The following TXNDC8 variants were observed in gnomAD, a reference collection of about 807,000 sequenced individuals.
TXNDC8 encodes thioredoxin domain containing 8, also known as thioredoxin domain-containing protein 8.
Under a neutral mutation model 12.9 loss-of-function variants are expected in TXNDC8, and 15 were observed. The observed-to-expected ratio is 1.16, with a 90% CI of 0.78 to 1.79. The LOEUF (loss-of-function observed/expected upper bound fraction) is 1.79. Ranked by LOEUF, TXNDC8 falls within the 40% of genes most tolerant of loss-of-function variation. The probability of loss-of-function intolerance (pLI) is 0.00; values close to 1 mark genes in which losing one functional copy is unlikely to be tolerated. For synonymous variants in TXNDC8, 40 were observed against 35.4 expected (o/e 1.13, Z -0.46); for missense variants, 128 against 113.2 (o/e 1.13, Z -0.59).
intron 3 of TXNDC8, among the ~76,000 whole-genome samples, chr9:110,321,963 G>A (rs190117628): frequency 6.6e-5 from 10 of 152,250 alleles, no homozygotes; most frequent in East Asian, 5.8e-4. Flanking sequence ...AGAGGTAAAC[G>A]ATTTGTAATA....
At chr9:110,322,601 T>C (rs1370700176) in intron 3 of TXNDC8, 2 of 985,242 alleles carry the variant, frequency 2.0e-6, no homozygotes, top group East Asian at 1.1e-4. Context: ...AGACACAAAA[T>C]CAGTTGAGAA....
At chr9:110,327,002 T>G (rs1316355685) in intron 2 of TXNDC8, among the ~76,000 whole-genome samples, 1 of 150,446 alleles carries the variant, frequency 6.6e-6, no homozygotes, top group Non-Finnish European at 1.5e-5. Flanking sequence ...TTATAATTTT[T>G]CATGACCACA....
intron 2 of TXNDC8, among the ~76,000 whole-genome samples, chr9:110,327,471 C>T (rs1839376130): frequency 6.6e-6 from 1 of 152,036 alleles, no homozygotes; most frequent in Admixed American, 6.6e-5. Context: ...TACAGGTGTG[C>T]ATCATCACGC....
At chr9:110,319,587 A>T (rs1839015625) in intron 3 of TXNDC8, among the ~76,000 whole-genome samples, 1 of 152,234 alleles carries the variant, frequency 6.6e-6, no homozygotes, top group African/African-American at 2.4e-5. Context: ...CTCAACCTGC[A>T]GTTGTCTGAC....
intron 3 of TXNDC8, among the ~76,000 whole-genome samples, chr9:110,320,012 A>G (rs1179278916): frequency 6.6e-6 from 1 of 152,228 alleles, no homozygotes; most frequent in Non-Finnish European, 1.5e-5. Context: ...GTTTAGTAGC[A>G]TCTATGTACT....
chr9:110,321,487 T>C (rs1217792010), intron 3 of TXNDC8, among the ~76,000 whole-genome samples: 1 of 150,822 alleles, frequency 6.6e-6, no homozygotes, highest in Non-Finnish European at 1.5e-5. Flanking sequence ...TTATCAGAAA[T>C]GTAAGACATT....
chr9:110,314,414 T>C (rs1223980014), intron 3 of TXNDC8, among the ~76,000 whole-genome samples: 1 of 147,028 alleles, frequency 6.8e-6, no homozygotes, highest in African/African-American at 2.5e-5. Flanking sequence ...TTTTTTTCTT[T>C]TTTTCTTTTT....
chr9:110,327,426 G>A (rs970223263), intron 2 of TXNDC8, among the ~76,000 whole-genome samples: 3 of 151,742 alleles, frequency 2.0e-5, no homozygotes, highest in Non-Finnish European at 2.9e-5. Context: ...AGGTTCAAGC[G>A]ATTCTCCTGC....
At chr9:110,316,581 C>G (rs532907757) in intron 3 of TXNDC8, among the ~76,000 whole-genome samples, 1 of 152,308 alleles carries the variant, frequency 6.6e-6, no homozygotes, top group Non-Finnish European at 1.5e-5. Flanking sequence ...AATTTATATG[C>G]ACTCGAATTC....
At chr9:110,308,784 A>G (rs1838553917) in intron 3 of TXNDC8, among the ~76,000 whole-genome samples, 1 of 152,214 alleles carries the variant, frequency 6.6e-6, no homozygotes, top group African/African-American at 2.4e-5. Flanking sequence ...GAACCCCTTT[A>G]AAGAATTCAG....
intron 3 of TXNDC8, among the ~76,000 whole-genome samples, chr9:110,310,875 A>C (rs1409525040): frequency 1.3e-5 from 2 of 152,220 alleles, no homozygotes; most frequent in African/African-American, 4.8e-5. Flanking sequence ...AACAGAATGA[A>C]CTTTGCTTGT....
intron 3 of TXNDC8, among the ~76,000 whole-genome samples, chr9:110,308,415 C>A (rs1188298211): frequency 6.6e-6 from 1 of 151,992 alleles, no homozygotes; most frequent in Admixed American, 6.6e-5. Flanking sequence ...AAGTTAATAA[C>A]CAGCTGTTTT....
intron 2 of TXNDC8, among the ~76,000 whole-genome samples, chr9:110,327,601 G>T (rs560828590): frequency 6.6e-6 from 1 of 152,284 alleles, no homozygotes. Flanking sequence ...GATATTACAG[G>T]TGTGAGCCAC....
chr9:110,312,690 C>A (rs954872780), intron 3 of TXNDC8, among the ~76,000 whole-genome samples: 2 of 152,224 alleles, frequency 1.3e-5, no homozygotes, highest in African/African-American at 4.8e-5. Context: ...ATTCTTGCTG[C>A]ACTGTATACA....
chr9:110,308,316 C>G (rs1207600766), intron 3 of TXNDC8, among the ~76,000 whole-genome samples: 1 of 152,202 alleles, frequency 6.6e-6, no homozygotes, highest in South Asian at 2.1e-4. Context: ...TTGCTCCCAA[C>G]AAGGGAGACA....
intron 3 of TXNDC8, among the ~76,000 whole-genome samples, chr9:110,317,991 C>G (rs1838948841): frequency 1.3e-5 from 2 of 152,212 alleles, no homozygotes; most frequent in African/African-American, 4.8e-5. Context: ...GCATACACAT[C>G]AATATTGATG....
intron 3 of TXNDC8, among the ~76,000 whole-genome samples, chr9:110,318,597 G>C (rs1564100201): frequency 6.6e-6 from 1 of 152,224 alleles, no homozygotes; most frequent in East Asian, 1.9e-4. Context: ...AATTAGCCAG[G>C]CATCATGGCT....
chr9:110,321,458 T>C (rs1013113839), intron 3 of TXNDC8, among the ~76,000 whole-genome samples: 1 of 152,224 alleles, frequency 6.6e-6, no homozygotes, highest in African/African-American at 2.4e-5. Context: ...AATGGACAAG[T>C]GGCTCTTTGC....
intron 3 of TXNDC8, chr9:110,323,187 A>G (rs1357676191): frequency 1.0e-6 from 1 of 985,302 alleles, no homozygotes; most frequent in Non-Finnish European, 1.2e-6. Context: ...TTGTCTAAGT[A>G]AAAAAGTATT....
Sources: allele counts gnomAD v4.1 joint callset (sites outside exome capture counted in the v4.1 genomes callset), GRCh38; gene constraint gnomAD v4.1.1; transcripts MANE v1.5; gene names NCBI Gene and HGNC (gene_info 2026-07-23, HGNC 2026-07-21).